The following RIT2 variants were observed in gnomAD, a reference collection of about 807,000 sequenced individuals.
The protein encoded by RIT2 is Ras like without CAAX 2, also known as GTP-binding protein Rit2.
Under a neutral mutation model 23.7 loss-of-function variants are expected in RIT2, and 24 were observed. The ratio of observed to expected loss-of-function variants is 1.01; its 90% CI spans 0.73 to 1.43. RIT2 has a LOEUF of 1.43. Ranked by LOEUF, RIT2 falls within the 40% of genes most tolerant of loss-of-function variation. The pLI is 0.00. For synonymous variants in RIT2, 107 were observed against 91.1 expected, an observed-to-expected ratio of 1.17 and a Z score of -0.99; for missense variants, 236 against 266.9, an observed-to-expected ratio of 0.88 and a Z score of 0.81.
At chr18:42,958,543 A>T (rs1199174319) in intron 3 of RIT2, among the ~76,000 whole-genome samples, 1 of 152,166 alleles carries the variant, frequency 6.6e-6, no homozygotes, top group Non-Finnish European at 1.5e-5. Context: ...CAATGTTTTT[A>T]ATAATAAAAT....
intron 1 of RIT2, among the ~76,000 whole-genome samples, chr18:43,096,164 A>G (rs1913547578): frequency 6.6e-6 from 1 of 151,900 alleles, no homozygotes; most frequent in Non-Finnish European, 1.5e-5. Context: ...GTATTTCCTG[A>G]GAGTCTGTTA....
At chr18:42,959,445 C>G (rs1050341219) in intron 3 of RIT2, among the ~76,000 whole-genome samples, 4 of 152,142 alleles carry the variant, frequency 2.6e-5, no homozygotes, top group African/African-American at 9.7e-5. Flanking sequence ...TACAATTAAA[C>G]AGTTACATCT....
In RIT2 at chr18:43,033,817, T is replaced by C. The variant is rs1430955035; in HGVS notation, c.154A>G (p.Thr52Ala). The stretch of plus-strand genomic sequence containing the variant: ...AAAGGAAGCTTCCACTTACCTATAG[T>C]AGGGTCATGATAATCAGGGAACTGA... ...SHQFPDYHDP[T>A]IEDAYKTQVR... The change falls in exon 2 of 5, where the codon ACT becomes GCT. Residue 52 changes from threonine to alanine, a missense_variant. Transcript: ENST00000326695. The C allele has an allele frequency of 8.7e-6, 14 of 1,606,024 alleles. No individual in the cohort carries two copies. The highest frequency in any genetic ancestry group is 1.3e-5 in the African/African-American group (1 of 74,752).
intron 4 of RIT2, among the ~76,000 whole-genome samples, chr18:42,872,345 G>A (rs1206759846): frequency 6.6e-6 from 1 of 151,920 alleles, no homozygotes; most frequent in Admixed American, 6.6e-5. Flanking sequence ...TCCATTGAAG[G>A]TTAATCTACA....
chr18:42,863,838 G>A (rs1049777454), intron 4 of RIT2, among the ~76,000 whole-genome samples: 4 of 152,058 alleles, frequency 2.6e-5, no homozygotes, highest in African/African-American at 7.2e-5. Flanking sequence ...CCTTTCAAAT[G>A]GTCAGCAAAG....
intron 3 of RIT2, among the ~76,000 whole-genome samples, chr18:42,955,507 G>T (rs1909950665): frequency 6.6e-6 from 1 of 151,962 alleles, no homozygotes; most frequent in Non-Finnish European, 1.5e-5. Context: ...GACTTAAAAG[G>T]GTCAAAAGGT....
chr18:42,921,466 C>T (rs552281075), intron 4 of RIT2, among the ~76,000 whole-genome samples: 69 of 152,188 alleles, frequency 4.5e-4, no homozygotes, highest in Non-Finnish European at 8.4e-4. Context: ...CACTTCACTG[C>T]TAATCTGAAA....
At chr18:42,765,695 T>C (rs1470650670) in intron 4 of RIT2, among the ~76,000 whole-genome samples, 2 of 152,234 alleles carry the variant, frequency 1.3e-5, no homozygotes, top group Admixed American at 6.5e-5. Flanking sequence ...TTTATATGCA[T>C]AGATGCATAA....
chr18:42,815,536 G>T (rs1905970816), intron 4 of RIT2, among the ~76,000 whole-genome samples: 1 of 152,168 alleles, frequency 6.6e-6, no homozygotes, highest in South Asian at 2.1e-4. Flanking sequence ...TGAAAGTTTG[G>T]CAAACATATT....
intron 4 of RIT2, among the ~76,000 whole-genome samples, chr18:42,862,948 G>A (rs866853901): frequency 1.3e-5 from 2 of 151,860 alleles, no homozygotes; most frequent in Non-Finnish European, 2.9e-5. Context: ...ATGTTGGGGA[G>A]CATAAAACAC....
At chr18:43,081,941 G>A (rs1913167037) in intron 1 of RIT2, among the ~76,000 whole-genome samples, 1 of 151,598 alleles carries the variant, frequency 6.6e-6, no homozygotes, top group African/African-American at 2.4e-5. Flanking sequence ...CATCCTCTGA[G>A]TAACTGTTTA....
chr18:43,014,597 A>AAAC (rs1555652231), intron 2 of RIT2, among the ~76,000 whole-genome samples: 2 of 151,000 alleles, frequency 1.3e-5, no homozygotes, highest in Non-Finnish European at 3.0e-5. Flanking sequence ...GAAATAATTA[A>AAAC]AAACATTTTT....
At chr18:42,904,606 G>A (rs1359647420) in intron 4 of RIT2, among the ~76,000 whole-genome samples, 1 of 152,128 alleles carries the variant, frequency 6.6e-6, no homozygotes, top group East Asian at 1.9e-4. Context: ...GCCTACTGAG[G>A]AAGAAATTTG....
At chr18:42,940,236 CTATATATATATATATATATA>C (rs5824460) in intron 3 of RIT2, among the ~76,000 whole-genome samples, 9 of 86,992 alleles carry the variant, frequency 1.0e-4, no homozygotes, top group African/African-American at 2.2e-4. Flanking sequence ...GAAAGGCTCA[CTATATATATATATATATATA>C]TATATATATA....
At chr18:42,933,937 G>C (rs1187571373) in intron 3 of RIT2, among the ~76,000 whole-genome samples, 2 of 148,800 alleles carry the variant, frequency 1.3e-5, no homozygotes, top group African/African-American at 5.0e-5. Context: ...AGAATCGCTT[G>C]AACCCAGGAG....
intron 4 of RIT2, among the ~76,000 whole-genome samples, chr18:42,845,240 G>T (rs1906875292): frequency 6.6e-6 from 1 of 152,064 alleles, no homozygotes; most frequent in African/African-American, 2.4e-5. Flanking sequence ...GAAACTCAAT[G>T]GGGTAGTAAA....
intron 4 of RIT2, among the ~76,000 whole-genome samples, chr18:42,888,751 C>A (rs971162331): frequency 6.6e-6 from 1 of 152,068 alleles, no homozygotes; most frequent in African/African-American, 2.4e-5. Context: ...GAAATCATGT[C>A]TATTGCACCA....
At chr18:42,775,860 T>C (rs890951595) in intron 4 of RIT2, among the ~76,000 whole-genome samples, 7 of 148,968 alleles carry the variant, frequency 4.7e-5, no homozygotes, top group African/African-American at 7.4e-5. Context: ...CACACACACA[T>C]ACACACACAC....
intron 2 of RIT2, among the ~76,000 whole-genome samples, chr18:42,976,332 A>G (rs1910477343): frequency 6.6e-6 from 1 of 152,114 alleles, no homozygotes; most frequent in African/African-American, 2.4e-5. Flanking sequence ...ATAAAAACTT[A>G]GACAATTTCA....
Sources: allele counts gnomAD v4.1 joint callset (sites outside exome capture counted in the v4.1 genomes callset), GRCh38; gene constraint gnomAD v4.1.1; transcripts MANE v1.5; gene names NCBI Gene and HGNC (gene_info 2026-07-23, HGNC 2026-07-21).